SLC14A2: variants seen among roughly 807,000 people sequenced by gnomAD.
SLC14A2 encodes the protein solute carrier family 14 member 2, also known as urea transporter 2.
Under a neutral mutation model 104.6 loss-of-function variants are expected in SLC14A2, and 91 were observed. The ratio of observed to expected loss-of-function variants is 0.87; its 90% CI spans 0.73 to 1.04. The LOEUF is 1.04. SLC14A2 is among the 50% of genes least tolerant of loss of function. The pLI, the probability that SLC14A2 is intolerant of heterozygous loss-of-function variation, is 0.00. For missense variants in SLC14A2, 1,189 were observed against 1,156.0 expected (o/e 1.03, Z -0.41); for synonymous variants, 476 against 466.4 (o/e 1.02, Z -0.27).
intron 1 of SLC14A2, among the ~76,000 whole-genome samples, chr18:45,361,966 G>C (rs550973638): frequency 1.3e-5 from 2 of 152,290 alleles, no homozygotes; most frequent in South Asian, 2.1e-4. Context: ...GATATGGTTG[G>C]GCTCTGTGTT....
intron 1 of SLC14A2, among the ~76,000 whole-genome samples, chr18:45,254,811 C>T (rs954657090): frequency 5.3e-5 from 8 of 152,104 alleles, no homozygotes; most frequent in Non-Finnish European, 7.3e-5. Context: ...GTTCTTCCTG[C>T]GCCCCATAGC....
the SLC14A2 span, among the ~76,000 whole-genome samples, chr18:45,195,384 G>A: frequency 6.6e-6 from 1 of 151,296 alleles, no homozygotes; most frequent in African/African-American, 2.4e-5. Context: ...CCAAATGATT[G>A]GGGAATAAGA....
chr18:45,554,254 G>A (rs949648126), intron 2 of SLC14A2, among the ~76,000 whole-genome samples: 1 of 152,162 alleles, frequency 6.6e-6, no homozygotes, highest in African/African-American at 2.4e-5. Flanking sequence ...GCAATTCCAT[G>A]GGGCAGGTAG....
chr18:45,231,641 T>C (rs2084175770), intron 1 of SLC14A2, among the ~76,000 whole-genome samples: 1 of 152,224 alleles, frequency 6.6e-6, no homozygotes, highest in African/African-American at 2.4e-5. Context: ...GCCCAATTCA[T>C]TGTCTTCATG....
intron 1 of SLC14A2, among the ~76,000 whole-genome samples, chr18:45,336,693 C>T (rs140281267): frequency 0.01 from 1,553 of 152,200 alleles, 14 homozygotes; most frequent in Non-Finnish European, 0.017. Context: ...TGGGATTGTT[C>T]CTCTGGTCCC....
rs1185350593 is a variant in SLC14A2, at chr18:45,258,658, T to C, written c.-125+45467T>C. On this transcript the variant is annotated intron_variant, in intron 1 of 20. Transcript: ENST00000586448. ...GATCAATTGATTTGGATGACCATTTTAATAATCATCCTTTTATTCTTTGTT... is the reference window on the plus strand; with the variant it reads ...GATCAATTGATTTGGATGACCATTTCAATAATCATCCTTTTATTCTTTGTT... Among the ~76,000 whole-genome samples, 2 of 143,566 alleles carry C rather than the reference T, an allele frequency of 1.4e-5. 1 individual carries two copies. The highest frequency in any genetic ancestry group is 5.5e-5 in the African/African-American group (2 of 36,628). 94.2% of individuals were successfully genotyped at this position (143,566 alleles called of 152,430 possible).
At chr18:45,238,230 A>C (rs894737872) in intron 1 of SLC14A2, among the ~76,000 whole-genome samples, 1 of 152,222 alleles carries the variant, frequency 6.6e-6, no homozygotes, top group African/African-American at 2.4e-5. Flanking sequence ...TCATTCTTAT[A>C]ACAGGCTTTT....
At chr18:45,238,968 A>G (rs1385067324) in intron 1 of SLC14A2, among the ~76,000 whole-genome samples, 1 of 152,236 alleles carries the variant, frequency 6.6e-6, no homozygotes, top group African/African-American at 2.4e-5. Flanking sequence ...GAAAGAATAA[A>G]ACAAAGACAC....
At chr18:45,272,976 T>C (rs1220129169) in intron 1 of SLC14A2, among the ~76,000 whole-genome samples, 1 of 152,112 alleles carries the variant, frequency 6.6e-6, no homozygotes, top group Non-Finnish European at 1.5e-5. Context: ...AAGTAAACCC[T>C]ACACTGCTAT....
intron 1 of SLC14A2, among the ~76,000 whole-genome samples, chr18:45,432,561 G>A (rs1362472254): frequency 6.6e-6 from 1 of 152,114 alleles, no homozygotes; most frequent in African/African-American, 2.4e-5. Flanking sequence ...GTGATCTAGG[G>A]GAGACAGAGC....
chr18:45,681,512 C>A (rs946860819), intron 19 of SLC14A2, among the ~76,000 whole-genome samples: 2 of 152,162 alleles, frequency 1.3e-5, no homozygotes, highest in African/African-American at 4.8e-5. Flanking sequence ...ACTAAAAAGC[C>A]TTAGAGCATC....
intron 2 of SLC14A2, among the ~76,000 whole-genome samples, chr18:45,504,128 TG>T (rs1196755138): frequency 4.6e-5 from 7 of 152,236 alleles, no homozygotes; most frequent in African/African-American, 1.7e-4. Context: ...TAGTTCCAGC[TG>T]TGGCTACAGT....
intron 1 of SLC14A2, among the ~76,000 whole-genome samples, chr18:45,416,099 G>A (rs141361232): frequency 1.3e-5 from 2 of 152,252 alleles, no homozygotes; most frequent in East Asian, 1.9e-4. Flanking sequence ...GTTGAAGAGA[G>A]CGTTTGAGTC....
intron 15 of SLC14A2, among the ~76,000 whole-genome samples, chr18:45,668,831 T>C (rs1444559063): frequency 6.6e-6 from 1 of 152,148 alleles, no homozygotes; most frequent in Admixed American, 6.5e-5. Context: ...CCCCGGCTTT[T>C]CTAAATCCTT....
chr18:45,183,298 C>T, the SLC14A2 span, among the ~76,000 whole-genome samples: 101 of 152,210 alleles, frequency 6.6e-4, no homozygotes, highest in Non-Finnish European at 1.3e-3. Context: ...TGGGGTAGGC[C>T]GCTCCCTCCT....
intron 1 of SLC14A2, among the ~76,000 whole-genome samples, chr18:45,218,986 C>T (rs1302281123): frequency 6.6e-6 from 1 of 151,576 alleles, no homozygotes; most frequent in Non-Finnish European, 1.5e-5. Flanking sequence ...TTTGGTAATA[C>T]TTTGAAATAT....
At chr18:45,635,955 C>T (rs1018741310) in intron 5 of SLC14A2, among the ~76,000 whole-genome samples, 1 of 152,132 alleles carries the variant, frequency 6.6e-6, no homozygotes. Context: ...GGGAAGAAAG[C>T]AGACAGGGTG....
At chr18:45,587,698 GAGAA>G (rs1474520508) in intron 2 of SLC14A2, among the ~76,000 whole-genome samples, 5 of 152,162 alleles carry the variant, frequency 3.3e-5, no homozygotes, top group Non-Finnish European at 7.3e-5. Context: ...TGATTTCCCA[GAGAA>G]AGAAACTGAT....
rs377490372 is a variant in SLC14A2, at chr18:45,560,601, T to C, written c.-34-64030T>C. Among the ~76,000 whole-genome samples the C allele has an allele frequency of 2.6e-5, 4 of 152,122 alleles. No homozygotes were observed. The East Asian group carries it at 5.8e-4, about 22-fold the overall frequency. Reference sequence around the variant, plus strand: ...CCCTTGCATTCTAAGGGAACTTATATGAAGCCCCTATGGAGGAATGAAAAG... The same window carrying C: ...CCCTTGCATTCTAAGGGAACTTATACGAAGCCCCTATGGAGGAATGAAAAG... On this transcript the variant is annotated intron_variant, in intron 2 of 20. Coordinates refer to the SLC14A2 transcript ENST00000586448.
Sources: allele counts gnomAD v4.1 joint callset (sites outside exome capture counted in the v4.1 genomes callset), GRCh38; gene constraint gnomAD v4.1.1; transcripts MANE v1.5; gene names NCBI Gene and HGNC (gene_info 2026-07-23, HGNC 2026-07-21).